Variants in TGFA observed in about 807,000 individuals in gnomAD.
TGFA encodes the protein transforming growth factor alpha.
TGFA carries 12 observed loss-of-function variants against 21.7 expected under a neutral mutation model. That is an observed-to-expected ratio of 0.55 (90% CI 0.35 to 0.90). The LOEUF is 0.90. Ranked by LOEUF, TGFA falls within the 40% of genes least tolerant of loss-of-function variation. The pLI, the probability that TGFA is intolerant of heterozygous loss-of-function variation, is 0.01. For synonymous variants in TGFA, 79 were observed against 88.1 expected (o/e 0.90, Z 0.58); for missense variants, 178 against 210.8 (o/e 0.84, Z 0.96).
chr2:70,468,117 C>G (rs1670626047), intron 2 of TGFA, among the ~76,000 whole-genome samples: 1 of 152,236 alleles, frequency 6.6e-6, no homozygotes, highest in African/African-American at 2.4e-5. Flanking sequence ...TCACCACTGA[C>G]AATCCCAAGA....
At chr2:70,547,468 G>A (rs1553506076) in intron 1 of TGFA, among the ~76,000 whole-genome samples, 1 of 151,136 alleles carries the variant, frequency 6.6e-6, no homozygotes, top group Non-Finnish European at 1.5e-5. Flanking sequence ...ACTTAAACCT[G>A]GGAGGCAGAG....
At chr2:70,507,610 C>G (rs1671966832) in intron 2 of TGFA, among the ~76,000 whole-genome samples, 1 of 152,190 alleles carries the variant, frequency 6.6e-6, no homozygotes, top group South Asian at 2.1e-4. Flanking sequence ...TTCTGTAAAA[C>G]AGATCCCTAA....
intron 1 of TGFA, chr2:70,553,062 C>T (rs1399481173): frequency 9.4e-7 from 1 of 1,064,712 alleles, no homozygotes. Context: ...AGGACATACT[C>T]AAAGGAAACT....
chr2:70,455,186 C>T (rs1224981214), intron 4 of TGFA, among the ~76,000 whole-genome samples: 1 of 152,138 alleles, frequency 6.6e-6, no homozygotes, highest in Non-Finnish European at 1.5e-5. Flanking sequence ...CCAGCTCAGA[C>T]CTCAAACCTC....
intron 1 of TGFA, among the ~76,000 whole-genome samples, chr2:70,533,528 CTGTG>C (rs1205812578): frequency 2.6e-5 from 4 of 152,204 alleles, no homozygotes; most frequent in African/African-American, 4.8e-5. Context: ...AAGCTAATGT[CTGTG>C]TGTTTAAATC....
At chr2:70,501,298 C>A (rs1671732131) in intron 2 of TGFA, among the ~76,000 whole-genome samples, 1 of 151,188 alleles carries the variant, frequency 6.6e-6, no homozygotes, top group Admixed American at 6.6e-5. Flanking sequence ...TTCTTCAGTG[C>A]CCTCAAGAGA....
intron 2 of TGFA, among the ~76,000 whole-genome samples, chr2:70,504,473 C>CATATATATATATATATATATATATAT (rs376988843): frequency 2.5e-5 from 2 of 78,806 alleles, no homozygotes. Context: ...TACACACATA[C>CATATATATATATATATATATATATAT]ATACATACAT....
intron 1 of TGFA, among the ~76,000 whole-genome samples, chr2:70,520,022 T>C (rs1351088911): frequency 6.6e-6 from 1 of 152,248 alleles, no homozygotes; most frequent in Admixed American, 6.5e-5. Flanking sequence ...CAGCCCTTCA[T>C]GGGACTTGCA....
At chr2:70,547,812 CTATATA>C (rs373697519) in intron 1 of TGFA, among the ~76,000 whole-genome samples, 1 of 146,734 alleles carries the variant, frequency 6.8e-6, no homozygotes, top group Admixed American at 6.8e-5. Flanking sequence ...TATATACTAT[CTATATA>C]TATACTATCT....
intron 1 of TGFA, among the ~76,000 whole-genome samples, chr2:70,551,074 A>ATGATGATG: frequency 1.3e-5 from 2 of 151,976 alleles, no homozygotes; most frequent in South Asian, 2.1e-4. Context: ...TAACAACAAC[A>ATGATGATG]ATGATGATGA....
intron 3 of TGFA, among the ~76,000 whole-genome samples, chr2:70,457,793 C>T (rs1440601162): frequency 2.6e-5 from 4 of 152,126 alleles, no homozygotes; most frequent in Non-Finnish European, 2.9e-5. Context: ...CCACCCACCT[C>T]GGCCTCCCAA....
chr2:70,478,057 T>C (rs1489956026), intron 2 of TGFA, among the ~76,000 whole-genome samples: 1 of 150,878 alleles, frequency 6.6e-6, no homozygotes, highest in African/African-American at 2.4e-5. Flanking sequence ...CTGGCCCTGA[T>C]TGGGAGGCTC....
At chr2:70,509,670 C>G (rs1333432573) in intron 2 of TGFA, among the ~76,000 whole-genome samples, 1 of 152,190 alleles carries the variant, frequency 6.6e-6, no homozygotes, top group African/African-American at 2.4e-5. Flanking sequence ...AAGTGCCGCC[C>G]TGAGTACCCA....
At chr2:70,528,190 T>C (rs758695185) in intron 1 of TGFA, among the ~76,000 whole-genome samples, 71 of 152,396 alleles carry the variant, frequency 4.7e-4, no homozygotes, top group Admixed American at 9.8e-4. Flanking sequence ...TTTAGTCAAC[T>C]AGTCTTAACT....
At chr2:70,476,230 A>G (rs2103738060) in intron 2 of TGFA, among the ~76,000 whole-genome samples, 1 of 152,230 alleles carries the variant, frequency 6.6e-6, no homozygotes. Flanking sequence ...ATCTCTTCAA[A>G]CCAGAAAGCC....
chr2:70,548,757 C>T (rs539102072), intron 1 of TGFA, among the ~76,000 whole-genome samples: 1 of 152,186 alleles, frequency 6.6e-6, no homozygotes, highest in African/African-American at 2.4e-5. Flanking sequence ...TTAAGTCATA[C>T]TCAGTACAAC....
rs71398907 is a variant in TGFA at position 70,460,382 on chromosome 2, T to TTA, written c.216-3895_216-3894insTA. Among the ~76,000 whole-genome samples, 14 of 150,862 alleles carry TTA rather than the reference T, an allele frequency of 9.3e-5. No homozygotes were observed. The East Asian group carries it at 1.4e-3, about 15-fold the overall frequency. ...AAAAGGTTTGGTGACATACTTTTTT[T>TTA]AAAAAAAAAACTTCCCAAGCTTCTA... On this transcript the variant is annotated intron_variant, in intron 3 of 5. Coordinates refer to ENST00000295400, the MANE Select transcript of TGFA (RefSeq NM_003236.4).
intron 2 of TGFA, among the ~76,000 whole-genome samples, chr2:70,471,879 C>T (rs1290590724): frequency 1.3e-5 from 2 of 152,084 alleles, no homozygotes; most frequent in Non-Finnish European, 2.9e-5. Flanking sequence ...GCAAAACTGC[C>T]TCCAGTTATT....
rs782519626 is a variant in TGFA at position 70,452,937 on chromosome 2, C to A, written c.475+281G>T. Among the ~76,000 whole-genome samples, 38 of 152,064 alleles carry A rather than the reference C, an allele frequency of 2.5e-4. 1 individual carries two copies. The highest frequency in any genetic ancestry group is 6.2e-4 in the South Asian group (3 of 4,814). ...CAGCCTGGGTGATAGAGTAAGACTC[C>A]GTCTCAAAAAACAAAACAAAACAAC... On this transcript the variant is annotated intron_variant, in intron 5 of 5. Coordinates refer to ENST00000295400, the MANE Select transcript of TGFA (RefSeq NM_003236.4).
Sources: gnomAD v4.1 joint callset for allele counts (sites outside exome capture counted in the v4.1 genomes callset) on GRCh38, gnomAD v4.1.1 for gene constraint, MANE v1.5 for transcripts, NCBI Gene and HGNC (gene_info 2026-07-23, HGNC 2026-07-21) for gene names.